The following KCNH8 variants were observed in gnomAD, a reference collection of about 807,000 sequenced individuals.
KCNH8 encodes the protein voltage-gated delayed rectifier potassium channel KCNH8.
In KCNH8, 70 loss-of-function variants were observed where a neutral mutation model predicts 103.6. The observed-to-expected ratio is 0.68, with a 90% confidence interval of 0.56 to 0.82. KCNH8 has a LOEUF of 0.82. KCNH8 is among the 40% of genes least tolerant of loss of function. KCNH8 has a pLI of 0.00. For synonymous variants in KCNH8, 498 were observed against 489.4 expected (o/e 1.02, Z -0.23); for missense variants, 1,217 against 1,329.9 (o/e 0.92, Z 1.32).
intron 1 of KCNH8, among the ~76,000 whole-genome samples, chr3:19,174,379 G>A (rs2063377776): frequency 6.6e-6 from 1 of 152,182 alleles, no homozygotes; most frequent in South Asian, 2.1e-4. Context: ...TATTAAAAAT[G>A]TCTCCAAAGG....
intron 1 of KCNH8, among the ~76,000 whole-genome samples, chr3:19,222,307 G>C (rs1007947353): frequency 2.0e-5 from 3 of 152,084 alleles, no homozygotes; most frequent in Non-Finnish European, 4.4e-5. Flanking sequence ...ATTATTTGCA[G>C]ATAATATGAG....
intron 1 of KCNH8, among the ~76,000 whole-genome samples, chr3:19,175,566 TG>T (rs1419832029): frequency 4.7e-4 from 72 of 152,352 alleles, no homozygotes; most frequent in African/African-American, 1.7e-3. Context: ...TATTTCAAAT[TG>T]CTCCATAGAA....
chr3:19,496,148 G>A (rs2068436633), intron 11 of KCNH8, among the ~76,000 whole-genome samples: 1 of 152,122 alleles, frequency 6.6e-6, no homozygotes, highest in African/African-American at 2.4e-5. Context: ...TGCACACAGG[G>A]ATATTTTGAC....
intron 15 of KCNH8, among the ~76,000 whole-genome samples, chr3:19,524,980 C>T (rs76586887): frequency 0.016 from 2,382 of 151,810 alleles, 65 homozygotes; most frequent in African/African-American, 0.053. Flanking sequence ...TGGAAAAGGT[C>T]GGTTGTCAGA....
At chr3:19,189,226 A>G (rs898083957) in intron 1 of KCNH8, among the ~76,000 whole-genome samples, 3 of 152,092 alleles carry the variant, frequency 2.0e-5, no homozygotes, top group African/African-American at 7.2e-5. Flanking sequence ...TCTTGAACAT[A>G]TTCAATGAAT....
At chr3:19,465,525 A>G (rs916408714) in intron 11 of KCNH8, among the ~76,000 whole-genome samples, 1 of 152,084 alleles carries the variant, frequency 6.6e-6, no homozygotes, top group Non-Finnish European at 1.5e-5. Context: ...TGCTAACACA[A>G]CATCTATTCT....
chr3:19,450,454 T>A, intron 9 of KCNH8, 149 bp downstream of exon 9: 1 of 673,456 alleles, frequency 1.5e-6, no homozygotes, highest in Non-Finnish European at 2.5e-6. Context: ...CCAATCCATC[T>A]TCTTTCACTT....
intron 1 of KCNH8, among the ~76,000 whole-genome samples, chr3:19,233,538 C>G (rs1188765976): frequency 6.6e-6 from 1 of 152,034 alleles, no homozygotes; most frequent in Non-Finnish European, 1.5e-5. Context: ...TCAATTGGAG[C>G]AAATAGATGT....
At chr3:19,446,851 A>G (rs2067369883) in intron 8 of KCNH8, among the ~76,000 whole-genome samples, 1 of 151,970 alleles carries the variant, frequency 6.6e-6, no homozygotes. Context: ...GAGAAAGAGA[A>G]AGAGAAAGAA....
chr3:19,157,088 C>T (rs1470503506), intron 1 of KCNH8, among the ~76,000 whole-genome samples: 1 of 151,276 alleles, frequency 6.6e-6, no homozygotes, highest in African/African-American at 2.4e-5. Context: ...CTAAAGGGAA[C>T]AGAGACCAGA....
intron 1 of KCNH8, among the ~76,000 whole-genome samples, chr3:19,249,150 T>A (rs1259621998): frequency 6.6e-6 from 1 of 152,242 alleles, no homozygotes; most frequent in Non-Finnish European, 1.5e-5. Flanking sequence ...AGCATATGTA[T>A]GGATAGTGAT....
intron 11 of KCNH8, among the ~76,000 whole-genome samples, chr3:19,508,085 A>T (rs546609461): frequency 6.6e-6 from 1 of 152,306 alleles, no homozygotes; most frequent in South Asian, 2.1e-4. Flanking sequence ...GCATCCCAGG[A>T]ATAAAGCCTA....
intron 1 of KCNH8, among the ~76,000 whole-genome samples, chr3:19,251,397 G>A (rs1031173851): frequency 8.5e-5 from 13 of 152,058 alleles, no homozygotes; most frequent in Non-Finnish European, 1.5e-4. Flanking sequence ...CTTTCAGAGG[G>A]GGAGAGTGGC....
chr3:19,149,674 G>GAGTCTGT (rs1367740775), intron 1 of KCNH8, among the ~76,000 whole-genome samples: 8 of 152,090 alleles, frequency 5.3e-5, no homozygotes, highest in Non-Finnish European at 1.2e-4. Context: ...CTGTAATTAG[G>GAGTCTGT]AGTCTGTACT....
At chr3:19,197,918 G>A (rs574647238) in intron 1 of KCNH8, among the ~76,000 whole-genome samples, 11 of 152,028 alleles carry the variant, frequency 7.2e-5, no homozygotes, top group Non-Finnish European at 1.3e-4. Flanking sequence ...AATCTGATGC[G>A]TAATCACTGG....
intron 1 of KCNH8, among the ~76,000 whole-genome samples, chr3:19,201,926 A>C (rs1462694466): frequency 1.3e-5 from 2 of 152,196 alleles, no homozygotes; most frequent in African/African-American, 4.8e-5. Flanking sequence ...TACTGCTCTG[A>C]AAACAATGTA....
At chr3:19,170,804 A>AT (rs1375715096) in intron 1 of KCNH8, among the ~76,000 whole-genome samples, 20 of 103,328 alleles carry the variant, frequency 1.9e-4, no homozygotes, top group African/African-American at 9.5e-4. Flanking sequence ...ATATATATAT[A>AT]TATATATTTT....
chr3:19,169,494 C>A (rs1297554571), intron 1 of KCNH8, among the ~76,000 whole-genome samples: 1 of 152,150 alleles, frequency 6.6e-6, no homozygotes, highest in Non-Finnish European at 1.5e-5. Flanking sequence ...GATCTGCCCG[C>A]CTTGGCCTCC....
At chr3:19,259,621 A>C (rs1040206467) in intron 2 of KCNH8, among the ~76,000 whole-genome samples, 4 of 151,642 alleles carry the variant, frequency 2.6e-5, no homozygotes, top group African/African-American at 7.3e-5. Flanking sequence ...CAATTTATTT[A>C]TTTTTACATT....
Sources: allele counts gnomAD v4.1 joint callset (sites outside exome capture counted in the v4.1 genomes callset), GRCh38; gene constraint gnomAD v4.1.1; transcripts MANE v1.5; gene names NCBI Gene and HGNC (gene_info 2026-07-23, HGNC 2026-07-21).